FARS2: variants seen among roughly 807,000 people sequenced by gnomAD.
FARS2 encodes phenylalanyl-tRNA synthetase 2, mitochondrial.
A neutral mutation model predicts 46.4 loss-of-function variants in FARS2; 40 were observed. The observed-to-expected ratio is 0.86, with a 90% CI of 0.67 to 1.12. FARS2 has a LOEUF of 1.12. Among genes scored for constraint, FARS2 ranks in the 50% most tolerant of loss-of-function variants. The pLI, the probability that FARS2 is intolerant of heterozygous loss-of-function variation, is 0.00. For synonymous variants in FARS2, 234 were observed against 214.9 expected (o/e 1.09, Z -0.78); for missense variants, 513 against 567.9 (o/e 0.90, Z 0.98).
At chr6:5,740,041 T>C (rs1761233373) in intron 6 of FARS2, among the ~76,000 whole-genome samples, 1 of 151,838 alleles carries the variant, frequency 6.6e-6, no homozygotes, top group Admixed American at 6.6e-5. Context: ...TAAACCGAGG[T>C]TTAAAGGCCC....
At chr6:5,562,806 C>CTTTTTTTTTTTTTTTTTTTTTTT (rs1275011133) in intron 5 of FARS2, among the ~76,000 whole-genome samples, 1 of 122,320 alleles carries the variant, frequency 8.2e-6, no homozygotes, top group Non-Finnish European at 1.8e-5. Flanking sequence ...TTTTCTTTTT[C>CTTTTTTTTTTTTTTTTTTTTTTT]TTTTTTTTTT....
At chr6:5,709,889 C>T (rs1759032907) in intron 6 of FARS2, among the ~76,000 whole-genome samples, 1 of 152,148 alleles carries the variant, frequency 6.6e-6, no homozygotes, top group African/African-American at 2.4e-5. Context: ...TTGGTGAGTG[C>T]TCATATTAAC....
At chr6:5,506,947 A>G (rs978091685) in intron 4 of FARS2, among the ~76,000 whole-genome samples, 1 of 152,226 alleles carries the variant, frequency 6.6e-6, no homozygotes, top group Non-Finnish European at 1.5e-5. Flanking sequence ...TTTCCTGGAT[A>G]CATGTCTACT....
In FARS2 at chr6:5,632,071, A is replaced by G. The variant is rs533466632; in HGVS notation, c.1217+18751A>G. Among the ~76,000 whole-genome samples the G allele has an allele frequency of 1.1e-4, 17 of 152,356 alleles. No individual in the cohort carries two copies. In the East Asian group the frequency reaches 3.3e-3, roughly 29 times the overall value. The stretch of plus-strand genomic sequence containing the variant: ...ATAATTTCAAACTTTGTATTTGTTT[A>G]TCAGTTGGGCTTTTGAATTAAGTTT... On this transcript the variant is annotated intron_variant, in intron 6 of 6. Coordinates refer to ENST00000274680, the MANE Select transcript of FARS2 (RefSeq NM_006567.5).
At chr6:5,307,512 A>G (rs1768794278) in intron 1 of FARS2, among the ~76,000 whole-genome samples, 1 of 152,164 alleles carries the variant, frequency 6.6e-6, no homozygotes, top group African/African-American at 2.4e-5. Context: ...CACATGCACA[A>G]TTTCCGTCGT....
intron 4 of FARS2, among the ~76,000 whole-genome samples, chr6:5,465,741 A>G (rs781560518): frequency 2.0e-5 from 3 of 152,022 alleles, no homozygotes; most frequent in East Asian, 1.9e-4. Flanking sequence ...TTTTCTTTCA[A>G]TAAATGGAGG....
intron 4 of FARS2, among the ~76,000 whole-genome samples, chr6:5,454,778 C>T (rs997585115): frequency 3.3e-5 from 5 of 152,198 alleles, no homozygotes; most frequent in African/African-American, 1.2e-4. Context: ...AATGCCTACT[C>T]TGCTTTGCTC....
intron 1 of FARS2, among the ~76,000 whole-genome samples, chr6:5,334,067 T>G (rs1770985331): frequency 1.3e-5 from 2 of 152,242 alleles, no homozygotes; most frequent in Admixed American, 6.5e-5. Flanking sequence ...CCCTCTGGCT[T>G]CATACATTTA....
intron 6 of FARS2, among the ~76,000 whole-genome samples, chr6:5,632,390 T>C (rs1412154236): frequency 6.6e-6 from 1 of 152,156 alleles, no homozygotes; most frequent in Non-Finnish European, 1.5e-5. Flanking sequence ...TGTTCTTTTT[T>C]CTTTTTTTTT....
chr6:5,330,128 G>A (rs1231611909), intron 1 of FARS2, among the ~76,000 whole-genome samples: 2 of 152,078 alleles, frequency 1.3e-5, no homozygotes, highest in African/African-American at 2.4e-5. Flanking sequence ...AGGAACAGGG[G>A]ACAAACATCA....
rs1056720508 is a variant in FARS2 at position 5,765,583 on chromosome 6, G to A, written c.1218-5708G>A. The stretch of plus-strand genomic sequence containing the variant: ...CCGCACTGTACTAGACAAACAGCGC[G>A]TGTCAGTGTTCTCGGGGAGGTGGGA... On this transcript the variant is annotated intron_variant, in intron 6 of 6. Transcript: ENST00000274680. This position sits in a 1 kb window ranked among gnomAD's most constrained non-coding sequence, Gnocchi z 4.0. Among the ~76,000 whole-genome samples, 3 of 152,196 alleles carry A rather than the reference G, an allele frequency of 2.0e-5. No homozygotes were observed. Among genetic ancestry groups the A allele is most frequent in the African/African-American group, 4.8e-5 (2 of 41,454 alleles).
At chr6:5,309,128 T>G (rs1364977763) in intron 1 of FARS2, among the ~76,000 whole-genome samples, 1 of 152,226 alleles carries the variant, frequency 6.6e-6, no homozygotes, top group Non-Finnish European at 1.5e-5. Flanking sequence ...GACAATGTGC[T>G]GTGTACAAGA....
At chr6:5,734,882 G>A (rs139980824) in intron 6 of FARS2, among the ~76,000 whole-genome samples, 1 of 152,306 alleles carries the variant, frequency 6.6e-6, no homozygotes, top group Non-Finnish European at 1.5e-5. Context: ...AACTGTGTCT[G>A]TCACACAGAT....
intron 6 of FARS2, among the ~76,000 whole-genome samples, chr6:5,662,066 G>C (rs1007136431): frequency 1.3e-5 from 2 of 152,182 alleles, no homozygotes; most frequent in African/African-American, 4.8e-5. Context: ...ATTTTCTCTT[G>C]TTTTGCTTAG....
At position 5,381,526 on chromosome 6, in the gene FARS2, A is replaced by C. The variant is rs561338865; in HGVS notation, c.612+12344A>C. 4.6e-5 allele frequency among the ~76,000 whole-genome samples: 7 copies of C among 152,028 alleles called. No individual in the cohort carries two copies. In the South Asian group the frequency reaches 1.5e-3, roughly 32 times the overall value. Reference sequence around the variant, plus strand: ...ATGAAATTTGAAGTCAGGGTCAAGGAGATAGTTTTTGCTTTTAATAGGTAA... The same window carrying C: ...ATGAAATTTGAAGTCAGGGTCAAGGCGATAGTTTTTGCTTTTAATAGGTAA... On this transcript the variant is annotated intron_variant, in intron 2 of 6. Transcript: ENST00000274680.
At chr6:5,294,400 T>C (rs1196892476) in intron 1 of FARS2, among the ~76,000 whole-genome samples, 1 of 152,090 alleles carries the variant, frequency 6.6e-6, no homozygotes, top group Non-Finnish European at 1.5e-5. Context: ...ACAACAATCA[T>C]CAACACAGAA....
chr6:5,588,464 G>A (rs1773741186), intron 5 of FARS2, among the ~76,000 whole-genome samples: 2 of 152,220 alleles, frequency 1.3e-5, no homozygotes, highest in African/African-American at 4.8e-5. Flanking sequence ...CCCATGAGCT[G>A]TTGGTTTTGC....
chr6:5,687,743 A>G (rs146400810), intron 6 of FARS2, among the ~76,000 whole-genome samples: 4,226 of 152,256 alleles, frequency 0.028, 175 homozygotes, highest in African/African-American at 0.093. Context: ...GAAGAAAGTC[A>G]TTGGTAACTT....
At chr6:5,606,431 A>C (rs776990913) in intron 5 of FARS2, among the ~76,000 whole-genome samples, 1 of 151,980 alleles carries the variant, frequency 6.6e-6, no homozygotes, top group Non-Finnish European at 1.5e-5. Context: ...CCAAATTATT[A>C]AAGTGTGAGG....
Sources: allele counts gnomAD v4.1 joint callset (sites outside exome capture counted in the v4.1 genomes callset), GRCh38; gene constraint gnomAD v4.1.1; non-coding constraint Gnocchi (gnomAD v3.1); transcripts MANE v1.5; gene names NCBI Gene and HGNC (gene_info 2026-07-23, HGNC 2026-07-21).